Variants in ADGRA1 observed in about 807,000 individuals in gnomAD.
The protein encoded by ADGRA1 is G-protein coupled receptor 123.
In ADGRA1, 12 loss-of-function variants were observed where a neutral mutation model predicts 21.3. The ratio of observed to expected loss-of-function variants is 0.56; its 90% CI spans 0.36 to 0.91. The LOEUF (loss-of-function observed/expected upper bound fraction) is 0.91. Among genes scored for constraint, ADGRA1 ranks in the 40% least tolerant of loss-of-function variants. The pLI is 0.01. For synonymous variants in ADGRA1, 385 were observed against 368.8 expected (o/e 1.04, Z -0.50); for missense variants, 790 against 805.6 (o/e 0.98, Z 0.23).
chr10:133,095,235 A>G (rs1000247223), intron 2 of ADGRA1, among the ~76,000 whole-genome samples: 3 of 152,108 alleles, frequency 2.0e-5, no homozygotes, highest in Admixed American at 6.5e-5. Flanking sequence ...TGGGGCACTC[A>G]GGAGAATCTG....
chr10:133,122,290 A>G (rs1358328346), intron 5 of ADGRA1, among the ~76,000 whole-genome samples: 2 of 152,206 alleles, frequency 1.3e-5, no homozygotes, highest in Non-Finnish European at 2.9e-5. Context: ...TGGCGGGAAC[A>G]GAGCCGTGGC....
intron 5 of ADGRA1, among the ~76,000 whole-genome samples, chr10:133,117,744 G>A (rs556734995): frequency 1.2e-4 from 19 of 152,360 alleles, no homozygotes; most frequent in East Asian, 1.9e-4. Context: ...GAAATAACAA[G>A]GGCAGCCGGC....
chr10:133,103,968 T>C (rs1851846371), intron 5 of ADGRA1, among the ~76,000 whole-genome samples: 1 of 152,236 alleles, frequency 6.6e-6, no homozygotes, highest in Non-Finnish European at 1.5e-5. Context: ...CAGAGGCTGC[T>C]CTGTGGCCAG....
intron 5 of ADGRA1, among the ~76,000 whole-genome samples, chr10:133,113,956 CG>C (rs1466847250): frequency 6.6e-6 from 1 of 152,230 alleles, no homozygotes; most frequent in Non-Finnish European, 1.5e-5. Context: ...CCCACAGGCA[CG>C]GGGACTTACC....
At position 133,129,678 on chromosome 10, in the gene ADGRA1, AC is replaced by A; in HGVS notation, c.*171del. The A allele has an allele frequency of 2.6e-6, 1 of 383,512 alleles. No homozygotes were observed. Among genetic ancestry groups the A allele is most frequent in the Non-Finnish European group, 4.9e-6 (1 of 205,098 alleles). The allele number at this position is 383,512 out of a possible 1,614,324, so 23.8% of individuals were successfully genotyped here. A position where few individuals can be genotyped will look rare whatever the true frequency, so the allele number is the denominator to read the frequency against. On this transcript the variant is annotated 3_prime_UTR_variant, in exon 7 of 7. Transcript: ENST00000392607. ...ACCCCTGCCCCTTCCTTGTGATCAC[AC>A]CCCTGCCCCTTCCTTGTGATCACAC...
rs796554579 is a variant in ADGRA1, at chr10:133,121,582, ATG to A, written c.402-5644_402-5643del. Among the ~76,000 whole-genome samples the A allele has an allele frequency of 8.3e-5, 10 of 120,400 alleles. No homozygotes were observed. The South Asian group carries it at 1.1e-3, about 13-fold the overall frequency. The allele number at this position is 120,400 out of a possible 152,430, so 79.0% of individuals were successfully genotyped here. A position where few individuals can be genotyped will look rare whatever the true frequency, so the allele number is the denominator to read the frequency against. ...TGCTTGTTTGTGTGCATGCCTGTGC[ATG>A]TGTGTGCCTGTGCGTTTGTGCATGT... is the stretch of plus-strand genomic sequence containing the variant. On this transcript the variant is annotated intron_variant, in intron 5 of 6. Coordinates refer to ENST00000392607, the MANE Select transcript of ADGRA1 (RefSeq NM_001083909.3).
At chr10:133,104,959 C>T (rs1851866602) in intron 5 of ADGRA1, among the ~76,000 whole-genome samples, 3 of 152,208 alleles carry the variant, frequency 2.0e-5, no homozygotes, top group Non-Finnish European at 2.9e-5. Flanking sequence ...AAGGTGCTCA[C>T]GGTCTGCCCT....
intron 2 of ADGRA1, among the ~76,000 whole-genome samples, chr10:133,092,137 G>A (rs1474197272): frequency 6.6e-6 from 1 of 152,272 alleles, no homozygotes; most frequent in Non-Finnish European, 1.5e-5. Context: ...GCATTCAGGA[G>A]GTGGGAGGGG....
At position 133,112,034 on chromosome 10, in the gene ADGRA1, T is replaced by TCCCACCA. The variant is rs1564849827; in HGVS notation, c.401+9192_401+9193insCCCACCA. Among the ~76,000 whole-genome samples, 33 of 131,364 alleles carry TCCCACCA rather than the reference T, an allele frequency of 2.5e-4. 8 individuals carry two copies. Among genetic ancestry groups the TCCCACCA allele is most frequent in the Admixed American group, 3.8e-4 (5 of 13,294 alleles). 86.2% of individuals were successfully genotyped at this position (131,364 alleles called of 152,430 possible). A position where few individuals can be genotyped will look rare whatever the true frequency, so the allele number is the denominator to read the frequency against. On this transcript the variant is annotated intron_variant, in intron 5 of 6. Transcript: ENST00000392607. ...CCCACCACAGACACCTCCCTCCTAA[T>TCCCACCA]GCCTCCAGACCACCTGCCTGCCATG...
chr10:133,121,779 CGTGTCGTGTGCCAGTGTGTGTGTGA>C (rs1275066874), intron 5 of ADGRA1, among the ~76,000 whole-genome samples: 1 of 114,614 alleles, frequency 8.7e-6, no homozygotes, highest in African/African-American at 3.4e-5. Flanking sequence ...TGTGAGTGTG[CGTGTCGTGTGCCAGTGTGTGTGTGA>C]GTGTGCTTGT....
At chr10:133,111,597 G>A (rs78102707) in intron 5 of ADGRA1, among the ~76,000 whole-genome samples, 5 of 4,572 alleles carry the variant, frequency 1.1e-3, no homozygotes, top group Admixed American at 4.7e-3. Flanking sequence ...TGCCCACCAC[G>A]GACACCTCCC....
At chr10:133,117,929 G>A (rs965142781) in intron 5 of ADGRA1, among the ~76,000 whole-genome samples, 5 of 152,172 alleles carry the variant, frequency 3.3e-5, no homozygotes, top group Non-Finnish European at 2.9e-5. Flanking sequence ...CGTGCTGGTC[G>A]TCCCCCTGTC....
intron 5 of ADGRA1, among the ~76,000 whole-genome samples, chr10:133,113,859 C>A (rs916737109): frequency 6.6e-6 from 1 of 152,240 alleles, no homozygotes; most frequent in Non-Finnish European, 1.5e-5. Flanking sequence ...TCCCTGTGGA[C>A]CCTCGGACGT....
chr10:133,092,752 A>G lies in ADGRA1; in HGVS notation c.3+3840A>G, dbSNP rs567272568. Among the ~76,000 whole-genome samples, 140 of 115,102 alleles carry G rather than the reference A, an allele frequency of 1.2e-3. 2 individuals carry two copies. Among genetic ancestry groups the G allele is most frequent in the African/African-American group, 5.5e-3 (137 of 25,072 alleles). The allele number at this position is 115,102 out of a possible 152,430, so 75.5% of individuals were successfully genotyped here. On this transcript the variant is annotated intron_variant, in intron 2 of 6. Coordinates refer to ENST00000392607, the MANE Select transcript of ADGRA1 (RefSeq NM_001083909.3). ...AATGAAGAAGGAGAAATAGGGAGGGAGGAAGGAAGGAAGGAAGGAAGGAAG... is the reference window on the plus strand; with the variant it reads ...AATGAAGAAGGAGAAATAGGGAGGGGGGAAGGAAGGAAGGAAGGAAGGAAG...
At chr10:133,099,343 T>A (rs947429801) in intron 4 of ADGRA1, among the ~76,000 whole-genome samples, 1 of 152,038 alleles carries the variant, frequency 6.6e-6, no homozygotes, top group African/African-American at 2.4e-5. Flanking sequence ...CACACTCCGG[T>A]CCAGGGAGGA....
In ADGRA1 at chr10:133,128,644, C is replaced by A. The variant is rs767993341; in HGVS notation, c.816C>A (p.Phe272Leu). ...TCCTGTTCACGGCCACGTGGGCCTT[C>A]GGGGCGCTGGCGGTGTCACAGGGCC... Reference protein sequence around the residue: ...TLFLFTATWAFGALAVSQGHF... With the variant: ...TLFLFTATWALGALAVSQGHF... Residue 272 changes from phenylalanine to leucine, a missense_variant, in exon 7 of 7, where the codon TTC becomes TTA. This residue lies in a region of ADGRA1 where 382 missense variants were observed against 415.6 expected (regional missense o/e 0.92). Transcript: ENST00000392607. 5.0e-6 allele frequency: 8 copies of A among 1,607,806 alleles called. No individual in the cohort carries two copies. The highest frequency in any genetic ancestry group is 2.2e-5 in the South Asian group (2 of 90,498).
Position 133,129,405 on chromosome 10 carries a change from G to C in ADGRA1, c.1577G>C (p.Ser526Thr). The C allele has an allele frequency of 2.5e-6, 4 of 1,606,048 alleles. No individual in the cohort carries two copies. ...CAGTCCCTGCCCTTTGGTGGCCCCA[G>C]CCAGAACGGGCTGCCCAAGGGTAAA... ...RTQSLPFGGP[S>T]QNGLPKGKLL... The change falls in exon 7 of 7, where the codon AGC becomes ACC. Residue 526 changes from serine to threonine, a missense_variant. Ser to Thr is a moderately conservative substitution (Grantham distance 58). Coordinates refer to ENST00000392607, the MANE Select transcript of ADGRA1 (RefSeq NM_001083909.3).
At chr10:133,119,975 T>C (rs1222765977) in intron 5 of ADGRA1, among the ~76,000 whole-genome samples, 6 of 152,210 alleles carry the variant, frequency 3.9e-5, no homozygotes, top group African/African-American at 1.4e-4. Context: ...AACTCAAAGT[T>C]CCTGGCTCCG....
rs554135405 is a variant in ADGRA1, at chr10:133,121,516, A to C, written c.402-5717A>C. On this transcript the variant is annotated intron_variant, in intron 5 of 6. Transcript: ENST00000392607. ...GCCAGTGTGCGTGTGTGCAAGTGTG[A>C]GTGCCTGTGCATGTCCAGTGTGCCA... 1.7e-3 allele frequency among the ~76,000 whole-genome samples: 237 copies of C among 139,394 alleles called. 4 individuals are homozygous for C. Among genetic ancestry groups the C allele is most frequent in the Admixed American group, 5.6e-3 (77 of 13,752 alleles). 91.4% of individuals were successfully genotyped at this position (139,394 alleles called of 152,430 possible).
Sources: allele counts gnomAD v4.1 joint callset (sites outside exome capture counted in the v4.1 genomes callset), GRCh38; gene constraint gnomAD v4.1.1; regional missense constraint gnomAD v4.1.1; transcripts MANE v1.5; gene names NCBI Gene and HGNC (gene_info 2026-07-23, HGNC 2026-07-21).